The following PCBP3 variants were observed in gnomAD, a reference collection of about 807,000 sequenced individuals.
The protein encoded by PCBP3 is poly(rC)-binding protein 3.
PCBP3 carries 25 observed loss-of-function variants against 52.7 expected under a neutral mutation model. The ratio of observed to expected loss-of-function variants is 0.47; its 90% CI spans 0.35 to 0.66. The LOEUF (loss-of-function observed/expected upper bound fraction) is 0.66, where lower values mean the gene tolerates loss of function less well. Among genes scored for constraint, PCBP3 ranks in the 30% least tolerant of loss-of-function variants. The probability of loss-of-function intolerance (pLI) is 0.01; values close to 1 mark genes in which losing one functional copy is unlikely to be tolerated. For missense variants in PCBP3, 391 were observed against 490.3 expected, an observed-to-expected ratio of 0.80 and a Z score of 1.91; for synonymous variants, 162 against 183.0, an observed-to-expected ratio of 0.89 and a Z score of 0.93.
chr21:45,669,878 CTT>C (rs1472843265), intron 2 of PCBP3, among the ~76,000 whole-genome samples: 2 of 140,916 alleles, frequency 1.4e-5, no homozygotes, highest in African/African-American at 5.3e-5. Context: ...TTGATGGACA[CTT>C]GGGTTGCATC....
intron 1 of PCBP3, among the ~76,000 whole-genome samples, chr21:45,654,948 A>T (rs1166817035): frequency 6.6e-6 from 1 of 152,344 alleles, no homozygotes; most frequent in East Asian, 1.9e-4. Flanking sequence ...TGGAAATTTC[A>T]TATGAGTGGA....
At chr21:45,883,075 C>A (rs77634774) in intron 5 of PCBP3, among the ~76,000 whole-genome samples, 3 of 152,160 alleles carry the variant, frequency 2.0e-5, no homozygotes, top group Non-Finnish European at 4.4e-5. Flanking sequence ...TTGTGTCCTG[C>A]GATTTTTGAT....
intron 5 of PCBP3, among the ~76,000 whole-genome samples, chr21:45,885,535 C>T (rs991139458): frequency 1.3e-5 from 2 of 152,198 alleles, no homozygotes; most frequent in African/African-American, 4.8e-5. Context: ...GTTAGGTCCT[C>T]CCCATGTCCC....
At chr21:45,694,971 A>G (rs2082683897) in intron 2 of PCBP3, among the ~76,000 whole-genome samples, 1 of 152,244 alleles carries the variant, frequency 6.6e-6, no homozygotes, top group African/African-American at 2.4e-5. Flanking sequence ...TCTAAAACAT[A>G]TAAAGATGTG....
In PCBP3 at chr21:45,724,135, G is replaced by A. The variant is rs1214527085; in HGVS notation, c.-199-11257G>A. Among the ~76,000 whole-genome samples, 1 of 152,212 alleles carries A rather than the reference G, an allele frequency of 6.6e-6. No homozygotes were observed. Among genetic ancestry groups the A allele is most frequent in the Admixed American group, 6.5e-5 (1 of 15,284 alleles). On this transcript the variant is annotated intron_variant, in intron 2 of 17. Coordinates refer to ENST00000681687, the MANE Select transcript of PCBP3 (RefSeq NM_001384156.1). This position sits in a 1 kb window ranked among gnomAD's most constrained non-coding sequence, Gnocchi z 5.3. ...CAAGGCTGTCCCCCTCCTGAAGTCAGATCCTTCCTGTGGCCTATTTAGGTT... is the reference window on the plus strand; with the variant it reads ...CAAGGCTGTCCCCCTCCTGAAGTCAAATCCTTCCTGTGGCCTATTTAGGTT...
At chr21:45,713,134 A>G (rs145496653) in intron 2 of PCBP3, among the ~76,000 whole-genome samples, 28 of 152,192 alleles carry the variant, frequency 1.8e-4, no homozygotes, top group African/African-American at 5.8e-4. Context: ...AAAATGTATT[A>G]TCTAGACTTT....
At chr21:45,890,391 A>AGG (rs1313642965) in intron 5 of PCBP3, among the ~76,000 whole-genome samples, 4 of 152,118 alleles carry the variant, frequency 2.6e-5, no homozygotes, top group Non-Finnish European at 5.9e-5. Context: ...TGCGCTGCTG[A>AGG]GGGGAATGTA....
intron 4 of PCBP3, among the ~76,000 whole-genome samples, chr21:45,840,202 CA>C (rs2093670235): frequency 6.6e-6 from 1 of 151,382 alleles, no homozygotes; most frequent in Non-Finnish European, 1.5e-5. Flanking sequence ...CCTGTAATCC[CA>C]GCACTTTGGG....
intron 1 of PCBP3, among the ~76,000 whole-genome samples, chr21:45,660,804 C>T (rs1013000093): frequency 6.6e-5 from 10 of 151,984 alleles, no homozygotes; most frequent in Non-Finnish European, 1.2e-4. Context: ...TTTGGGAGGC[C>T]GACGCGGACA....
intron 5 of PCBP3, among the ~76,000 whole-genome samples, chr21:45,886,434 G>T (rs998321240): frequency 6.9e-6 from 1 of 143,926 alleles, no homozygotes. Context: ...CGGGTGCCAA[G>T]GGCAGAGGAT....
Position 45,704,666 on chromosome 21 carries a change from AT to A in PCBP3, c.-199-30725del, listed in dbSNP as rs763735129. On this transcript the variant is annotated intron_variant, in intron 2 of 17. Coordinates refer to ENST00000681687, the MANE Select transcript of PCBP3 (RefSeq NM_001384156.1). The surrounding 1 kb of genome is among the most constrained non-coding windows in gnomAD (Gnocchi z 4.1). ...TTGACAGGAAATTCATAAAGGGAATATGGAGTTCCGTTTACAACAGCAAGAG... is the reference window on the plus strand; with the variant it reads ...TTGACAGGAAATTCATAAAGGGAATAGGAGTTCCGTTTACAACAGCAAGAG... 6.6e-6 allele frequency among the ~76,000 whole-genome samples: 1 copy of A among 152,212 alleles called. No homozygotes were observed. Among genetic ancestry groups the A allele is most frequent in the Non-Finnish European group, 1.5e-5 (1 of 68,030 alleles).
intron 4 of PCBP3, among the ~76,000 whole-genome samples, chr21:45,786,552 A>G (rs1277907280): frequency 6.6e-6 from 1 of 152,150 alleles, no homozygotes; most frequent in Non-Finnish European, 1.5e-5. Flanking sequence ...TGGCCTCCCA[A>G]AGTGCTGGGA....
rs909255235 is a variant in PCBP3 at position 45,735,628 on chromosome 21, C to T, written c.-162+199C>T. Among the ~76,000 whole-genome samples, 3 of 152,254 alleles carry T rather than the reference C, an allele frequency of 2.0e-5. No individual in the cohort carries two copies. The highest frequency in any genetic ancestry group is 4.8e-5 in the African/African-American group (2 of 41,554). On this transcript the variant is annotated intron_variant, in intron 3 of 17. Transcript: ENST00000681687. This position sits in a 1 kb window ranked among gnomAD's most constrained non-coding sequence, Gnocchi z 4.0. The stretch of plus-strand genomic sequence containing the variant: ...AAGAGCATGTAGTGTGAGTGACACG[C>T]GTTTTCCCTTCTTGCTTCTGTGGAA...
intron 4 of PCBP3, among the ~76,000 whole-genome samples, chr21:45,813,265 C>G (rs760449058): frequency 2.0e-5 from 3 of 152,122 alleles, no homozygotes; most frequent in Admixed American, 6.6e-5. Context: ...ATCTGTAGTT[C>G]CCTGGTTGCT....
intron 12 of PCBP3, chr21:45,914,295 C>G: frequency 1.8e-6 from 1 of 540,788 alleles, no homozygotes; most frequent in East Asian, 3.3e-5. Flanking sequence ...AAATCCAGTT[C>G]CCAGAACTGG....
intron 1 of PCBP3, among the ~76,000 whole-genome samples, chr21:45,661,682 G>A (rs1186509684): frequency 6.6e-6 from 1 of 152,180 alleles, no homozygotes; most frequent in Non-Finnish European, 1.5e-5. Context: ...TAGTGGGATT[G>A]CCAGATCAAA....
chr21:45,815,993 AG>A, intron 4 of PCBP3, among the ~76,000 whole-genome samples: 1 of 116,354 alleles, frequency 8.6e-6, no homozygotes, highest in Non-Finnish European at 1.7e-5. Flanking sequence ...GTGGTGAGTG[AG>A]TGGTGAGTGG....
At chr21:45,863,904 G>A (rs1300516970) in intron 5 of PCBP3, among the ~76,000 whole-genome samples, 1 of 152,188 alleles carries the variant, frequency 6.6e-6, no homozygotes. Context: ...CCGCATAGCC[G>A]TGCACGATGC....
At chr21:45,705,804 G>A (rs1375653159) in intron 2 of PCBP3, among the ~76,000 whole-genome samples, 1 of 152,044 alleles carries the variant, frequency 6.6e-6, no homozygotes, top group African/African-American at 2.4e-5. Flanking sequence ...GTACAGAAAT[G>A]GTCTGTGGGC....
Sources: allele counts gnomAD v4.1 joint callset (sites outside exome capture counted in the v4.1 genomes callset), GRCh38; gene constraint gnomAD v4.1.1; non-coding constraint Gnocchi (gnomAD v3.1); transcripts MANE v1.5; gene names NCBI Gene and HGNC (gene_info 2026-07-23, HGNC 2026-07-21).